The following SLC27A6 variants were observed in gnomAD, a reference collection of about 807,000 sequenced individuals.
SLC27A6 encodes the protein solute carrier family 27 member 6, also known as long-chain fatty acid transport protein 6.
SLC27A6 carries 74 observed loss-of-function variants against 63.9 expected under a neutral mutation model. That is an observed-to-expected ratio of 1.16 (90% CI 0.96 to 1.40). The LOEUF (loss-of-function observed/expected upper bound fraction) is 1.40, where lower values mean the gene tolerates loss of function less well. Ranked by LOEUF, SLC27A6 falls within the 40% of genes most tolerant of loss-of-function variation. The pLI is 0.00. For missense variants in SLC27A6, 794 were observed against 732.9 expected (o/e 1.08, Z -0.96); for synonymous variants, 287 against 260.8 (o/e 1.10, Z -0.97).
rs1561615149 is a variant in SLC27A6 at position 128,985,186 on chromosome 5, G to T, written c.535G>T (p.Val179Phe). 2 of 1,613,970 alleles carry T rather than the reference G, an allele frequency of 1.2e-6. No homozygotes were observed. The highest frequency in any genetic ancestry group is 2.2e-5 in the South Asian group (2 of 91,068). Residue 179 changes from valine (V) to phenylalanine (F), a missense_variant, in exon 2 of 10, where the codon GTT becomes TTT. Transcript: ENST00000262462. ...TCCAAGCCTCTCAGAAAATATCAGTGTTTGGGGGATGAAAGATTCTGTTCC... is the reference window on the plus strand; with the variant it reads ...TCCAAGCCTCTCAGAAAATATCAGTTTTTGGGGGATGAAAGATTCTGTTCC... ...ILPSLSENIS[V>F]WGMKDSVPQG...
intron 4 of SLC27A6, among the ~76,000 whole-genome samples, chr5:128,991,532 G>A (rs747079183): frequency 6.6e-5 from 10 of 152,068 alleles, no homozygotes; most frequent in African/African-American, 1.9e-4. Flanking sequence ...AACATAACAC[G>A]CATCAGATTA....
intron 1 of SLC27A6, among the ~76,000 whole-genome samples, chr5:128,977,762 T>C (rs2150130342): frequency 6.6e-6 from 1 of 152,334 alleles, no homozygotes; most frequent in Admixed American, 6.5e-5. Context: ...TTTTGTAATC[T>C]ATGAAGTACT....
At chr5:128,972,532 A>T (rs35779465) in intron 1 of SLC27A6, among the ~76,000 whole-genome samples, 36,676 of 152,082 alleles carry the variant, frequency 0.24, 4,967 homozygotes, top group Middle Eastern at 0.33. Flanking sequence ...TCAATCACTG[A>T]TACCCTTTCT....
At position 128,966,051 on chromosome 5, in the gene SLC27A6, C is replaced by T. The variant is rs1580691391; in HGVS notation, c.-87C>T. 4 of 1,474,776 alleles carry T rather than the reference C, an allele frequency of 2.7e-6. No homozygotes were observed. In the East Asian group the frequency reaches 6.9e-5, roughly 25 times the overall value. The allele number at this position is 1,474,776 out of a possible 1,614,324, so 91.4% of individuals were successfully genotyped here. On this transcript the variant is annotated 5_prime_UTR_variant, in exon 1 of 10. Transcript: ENST00000262462. The stretch of plus-strand genomic sequence containing the variant: ...GGTGTAAGCCCTGAGTAGTGAGGAT[C>T]TGCGGTCTCCGTGGAGAGCTGTGCC...
At position 129,027,679 on chromosome 5, in the gene SLC27A6, T is replaced by G. The variant is rs1224756398; in HGVS notation, c.1454+348T>G. Among the ~76,000 whole-genome samples the G allele has an allele frequency of 2.0e-5, 3 of 152,090 alleles. No homozygotes were observed. In the East Asian group the frequency reaches 5.8e-4, roughly 29 times the overall value. ...ATTCTTGGCCTAATGATAAAAATTT[T>G]GAAGCAGCAAAAATCCCCTTTCTCA... is the stretch of plus-strand genomic sequence containing the variant. On this transcript the variant is annotated intron_variant, in intron 7 of 9. Coordinates refer to ENST00000262462, the MANE Select transcript of SLC27A6 (RefSeq NM_001017372.3).
At chr5:129,014,047 G>A (rs775711037) in intron 4 of SLC27A6, among the ~76,000 whole-genome samples, 3 of 152,098 alleles carry the variant, frequency 2.0e-5, no homozygotes, top group Non-Finnish European at 4.4e-5. Flanking sequence ...TTCCTTGATA[G>A]TAACTGAACA....
Position 128,985,120 on chromosome 5 carries a change from C to A in SLC27A6, c.482-13C>A. ...AAGGTTTGCTTAACTCTTCCCAACC[C>A]TTTGGCTTTTAGATTTGCTTGGAAC... On this transcript the variant is annotated splice_polypyrimidine_tract_variant and intron_variant, in intron 1 of 9. Coordinates refer to ENST00000262462, the MANE Select transcript of SLC27A6 (RefSeq NM_001017372.3). The A allele has an allele frequency of 6.2e-7, 1 of 1,608,306 alleles. No homozygotes were observed. Among genetic ancestry groups the A allele is most frequent in the South Asian group, 1.1e-5 (1 of 90,708 alleles).
intron 4 of SLC27A6, among the ~76,000 whole-genome samples, chr5:128,999,518 A>T (rs1032948000): frequency 7.9e-5 from 12 of 152,182 alleles, no homozygotes; most frequent in Admixed American, 1.3e-4. Flanking sequence ...GGTGTCTCCA[A>T]TCCTGTCTTC....
intron 5 of SLC27A6, among the ~76,000 whole-genome samples, chr5:129,018,461 G>A (rs1347163272): frequency 6.6e-6 from 1 of 152,030 alleles, no homozygotes; most frequent in East Asian, 1.9e-4. Context: ...CCAAAAGAAG[G>A]TGCAAACTAT....
At chr5:128,973,930 C>T (rs6881009) in intron 1 of SLC27A6, among the ~76,000 whole-genome samples, 36,707 of 152,204 alleles carry the variant, frequency 0.24, 4,973 homozygotes, top group Middle Eastern at 0.33. Context: ...AGGTTTACTT[C>T]TGAGCACTCA....
Position 128,966,254 on chromosome 5 carries a change from CATT to C in SLC27A6, c.120_122del (p.Ile42del), listed in dbSNP as rs1279509554. 2.5e-6 allele frequency: 4 copies of C among 1,613,638 alleles called. No homozygotes were observed. In the African/African-American group the frequency reaches 5.3e-5, roughly 22 times the overall value. On this transcript the variant is annotated inframe_deletion, in exon 1 of 10. Transcript: ENST00000262462. ...TCTGGTTCGTGTTGAAGGTGGTGCTCATTATAATTCGGCTGAAGAAGTATGAAA... is the reference window on the plus strand; with the variant it reads ...TCTGGTTCGTGTTGAAGGTGGTGCTCATAATTCGGCTGAAGAAGTATGAAA...
intron 1 of SLC27A6, among the ~76,000 whole-genome samples, chr5:128,980,428 C>T (rs1392453287): frequency 6.6e-6 from 1 of 152,200 alleles, no homozygotes; most frequent in Non-Finnish European, 1.5e-5. Flanking sequence ...TCCAGATTCT[C>T]TGGCTGAAAA....
intron 4 of SLC27A6, among the ~76,000 whole-genome samples, chr5:128,992,548 C>T (rs1191032499): frequency 6.6e-6 from 1 of 152,152 alleles, no homozygotes; most frequent in Non-Finnish European, 1.5e-5. Context: ...ACTATAGATT[C>T]CACAGATTCA....
At chr5:129,006,533 A>T (rs1461772904) in intron 4 of SLC27A6, among the ~76,000 whole-genome samples, 2 of 151,450 alleles carry the variant, frequency 1.3e-5, no homozygotes, top group Non-Finnish European at 2.9e-5. Context: ...GGCTTTCTAC[A>T]GGGTTTCATA....
chr5:129,023,816 C>T, intron 6 of SLC27A6, 106 bp downstream of exon 6: 1 of 725,286 alleles, frequency 1.4e-6, no homozygotes, highest in South Asian at 1.7e-5. Context: ...CCCGGGTAGA[C>T]ACCAAAATTC....
At chr5:129,032,194 A>G (rs1752437141) in intron 9 of SLC27A6, among the ~76,000 whole-genome samples, 1 of 152,056 alleles carries the variant, frequency 6.6e-6, no homozygotes, top group African/African-American at 2.4e-5. Context: ...ACATTTGTTT[A>G]TTCACTAGTT....
Position 129,016,024 on chromosome 5 carries a change from T to C in SLC27A6, c.1109T>C (p.Phe370Ser). 1.2e-6 allele frequency: 2 copies of C among 1,606,334 alleles called. No homozygotes were observed. The highest frequency in any genetic ancestry group is 1.7e-6 in the Non-Finnish European group (2 of 1,178,060). Residue 370 changes from phenylalanine to serine, a missense_variant, in exon 5 of 10, where the codon TTC becomes TCC. Phe to Ser is a radical substitution (Grantham distance 155). Coordinates refer to ENST00000262462, the MANE Select transcript of SLC27A6 (RefSeq NM_001017372.3). ...LYAATESSIS[F>S]MNYTGRIGAI... ...GCAGCTACCGAATCAAGCATATCTT[T>C]CATGAACTACACTGGGAGAATTGGA...
intron 5 of SLC27A6, among the ~76,000 whole-genome samples, 181 bp downstream of exon 5, chr5:129,016,260 G>C (rs1383631528): frequency 1.3e-5 from 2 of 151,910 alleles, no homozygotes; most frequent in African/African-American, 4.8e-5. Context: ...GACGGGTGTA[G>C]TGGCGGACAC....
chr5:128,978,424 C>T (rs1326336312), intron 1 of SLC27A6, among the ~76,000 whole-genome samples: 19 of 152,184 alleles, frequency 1.2e-4, no homozygotes, highest in Admixed American at 1.2e-3. Context: ...CCCAAAACCG[C>T]TGAGAGTGCC....
Sources: gnomAD v4.1 joint callset for allele counts (sites outside exome capture counted in the v4.1 genomes callset) on GRCh38, gnomAD v4.1.1 for gene constraint, MANE v1.5 for transcripts, NCBI Gene and HGNC (gene_info 2026-07-23, HGNC 2026-07-21) for gene names.